Variants in GRIA4 observed in about 807,000 individuals in gnomAD.
The protein encoded by GRIA4 is glutamate ionotropic receptor AMPA type subunit 4.
GRIA4 carries 34 observed loss-of-function variants against 104.0 expected under a neutral mutation model. The observed-to-expected ratio is 0.33, with a 90% CI of 0.25 to 0.44. The LOEUF is 0.44. Among genes scored for constraint, GRIA4 ranks in the 20% least tolerant of loss-of-function variants. The pLI is 1.00. For synonymous variants in GRIA4, 386 were observed against 381.9 expected (o/e 1.01, Z -0.13); for missense variants, 750 against 1,096.5 (o/e 0.68, Z 4.46).
chr11:105,634,725 G>A (rs1951159564), intron 3 of GRIA4, among the ~76,000 whole-genome samples: 1 of 152,026 alleles, frequency 6.6e-6, no homozygotes, highest in Non-Finnish European at 1.5e-5. Context: ...TTAAGAGTTG[G>A]CCATTTTCAA....
chr11:105,788,813 G>C (rs955900621), intron 4 of GRIA4, among the ~76,000 whole-genome samples: 1 of 152,110 alleles, frequency 6.6e-6, no homozygotes, highest in African/African-American at 2.4e-5. Context: ...CAATATCTCC[G>C]GGACTGGTTG....
intron 3 of GRIA4, among the ~76,000 whole-genome samples, chr11:105,661,995 G>A (rs566233137): frequency 2.4e-5 from 2 of 81,776 alleles, no homozygotes; most frequent in East Asian, 7.1e-4. Context: ...AGAAAACTGT[G>A]TGTGTGTGTG....
chr11:105,819,942 TG>T (rs1591304679), intron 4 of GRIA4, among the ~76,000 whole-genome samples: 1 of 151,974 alleles, frequency 6.6e-6, no homozygotes, highest in East Asian at 1.9e-4. Context: ...TATAAGAAGA[TG>T]GTTATGTGAA....
At chr11:105,832,388 C>T (rs1473827676) in intron 4 of GRIA4, among the ~76,000 whole-genome samples, 1 of 151,524 alleles carries the variant, frequency 6.6e-6, no homozygotes, top group African/African-American at 2.4e-5. Context: ...TTCCTTCTCA[C>T]TTTCTCCCTG....
At chr11:105,788,260 G>A (rs1019740016) in intron 4 of GRIA4, among the ~76,000 whole-genome samples, 1 of 152,140 alleles carries the variant, frequency 6.6e-6, no homozygotes, top group Non-Finnish European at 1.5e-5. Flanking sequence ...ATGTTGGCAT[G>A]GATGTGGAGA....
intron 3 of GRIA4, among the ~76,000 whole-genome samples, chr11:105,675,136 T>A (rs983846288): frequency 2.6e-5 from 4 of 151,918 alleles, no homozygotes; most frequent in Non-Finnish European, 5.9e-5. Flanking sequence ...TAAGGGCACA[T>A]GCTTTGAGCT....
chr11:105,610,074 G>A lies in GRIA4; in HGVS notation c.-445G>A, dbSNP rs1366881826. 1 of 152,618 alleles carries A rather than the reference G, an allele frequency of 6.6e-6. No individual in the cohort carries two copies. Among genetic ancestry groups the A allele is most frequent in the Non-Finnish European group, 1.5e-5 (1 of 68,364 alleles). 9.5% of individuals were successfully genotyped at this position (152,618 alleles called of 1,614,324 possible). On this transcript the variant is annotated 5_prime_UTR_variant, in exon 1 of 17. In the 5' UTR this introduces an upstream ATG that the reference lacks. Transcript: ENST00000282499. ...ACCGGAGTCCCCCGCGCGCAGCCCA[G>A]TGGCAGAAGAGGGCTAGGCTGAGAG...
rs1940158447 is a variant in GRIA4 at position 105,753,958 on chromosome 11, G to A, written c.487+738G>A. On this transcript the variant is annotated intron_variant, in intron 4 of 16. Coordinates refer to ENST00000282499, the MANE Select transcript of GRIA4 (RefSeq NM_000829.4). ...TCTCCTCATGTTCAGCCATCCGGAA[G>A]CCCTCCTACCTCTGTCCTTTGGGTT... Among the ~76,000 whole-genome samples the A allele has an allele frequency of 2.0e-5, 3 of 152,234 alleles. No individual in the cohort carries two copies. In the South Asian group the frequency reaches 6.2e-4, roughly 32 times the overall value.
intron 14 of GRIA4, among the ~76,000 whole-genome samples, chr11:105,941,427 A>C (rs976002931): frequency 1.3e-5 from 2 of 152,174 alleles, no homozygotes; most frequent in Non-Finnish European, 1.5e-5. Flanking sequence ...CAACATCCCT[A>C]GTTCTAACTC....
At chr11:105,733,972 A>G (rs1393080730) in intron 3 of GRIA4, among the ~76,000 whole-genome samples, 1 of 148,876 alleles carries the variant, frequency 6.7e-6, no homozygotes, top group Non-Finnish European at 1.5e-5. Flanking sequence ...TAACCATATT[A>G]TCATTGGTCA....
At chr11:105,963,153 G>C (rs897481902) in intron 14 of GRIA4, among the ~76,000 whole-genome samples, 3 of 152,048 alleles carry the variant, frequency 2.0e-5, no homozygotes, top group Middle Eastern at 3.4e-3. Flanking sequence ...TACTTCTTCA[G>C]GATTTCACTT....
At chr11:105,868,504 G>A (rs1274588903) in intron 5 of GRIA4, among the ~76,000 whole-genome samples, 1 of 152,022 alleles carries the variant, frequency 6.6e-6, no homozygotes, top group Non-Finnish European at 1.5e-5. Context: ...AACAATTGTC[G>A]AATAAATTGG....
intron 14 of GRIA4, among the ~76,000 whole-genome samples, chr11:105,960,763 G>A (rs1213798702): frequency 6.6e-6 from 1 of 152,194 alleles, no homozygotes; most frequent in Non-Finnish European, 1.5e-5. Flanking sequence ...GCGTGGGTTC[G>A]CGAGTGGGAC....
chr11:105,695,986 C>T (rs982927349), intron 3 of GRIA4, among the ~76,000 whole-genome samples: 1 of 152,188 alleles, frequency 6.6e-6, no homozygotes, highest in African/African-American at 2.4e-5. Flanking sequence ...CAAACAAGCA[C>T]TTCAATGACA....
chr11:105,958,377 G>T (rs1202375387), intron 14 of GRIA4, among the ~76,000 whole-genome samples: 1 of 152,126 alleles, frequency 6.6e-6, no homozygotes, highest in Admixed American at 6.5e-5. Flanking sequence ...TAATCATGTG[G>T]TTTTTGTCTT....
intron 14 of GRIA4, among the ~76,000 whole-genome samples, chr11:105,949,687 G>A (rs1013731691): frequency 6.6e-6 from 1 of 152,178 alleles, no homozygotes. Flanking sequence ...AAGTCAGTGA[G>A]TGATTACTGG....
intron 3 of GRIA4, among the ~76,000 whole-genome samples, chr11:105,663,956 TAC>T (rs1952088232): frequency 6.6e-6 from 1 of 151,516 alleles, no homozygotes; most frequent in African/African-American, 2.4e-5. Context: ...ATAGATGCAC[TAC>T]ATGAATGTGG....
intron 14 of GRIA4, among the ~76,000 whole-genome samples, chr11:105,961,685 T>C (rs891115477): frequency 6.6e-6 from 1 of 152,216 alleles, no homozygotes; most frequent in Non-Finnish European, 1.5e-5. Flanking sequence ...TTGTCTTAAG[T>C]GCCAACATGA....
chr11:105,920,545 C>T (rs1483271491), intron 11 of GRIA4, among the ~76,000 whole-genome samples: 1 of 152,150 alleles, frequency 6.6e-6, no homozygotes, highest in Non-Finnish European at 1.5e-5. Context: ...TCCCTACCCA[C>T]TGGGCAGCCC....
Sources: gnomAD v4.1 joint callset for allele counts (sites outside exome capture counted in the v4.1 genomes callset) on GRCh38, gnomAD v4.1.1 for gene constraint, MANE v1.5 for transcripts, NCBI Gene and HGNC (gene_info 2026-07-23, HGNC 2026-07-21) for gene names.